ERC1: variants seen among roughly 807,000 people sequenced by gnomAD.
The protein encoded by ERC1 is RAB6 interacting protein 2.
Under a neutral mutation model 132.0 loss-of-function variants are expected in ERC1, and 56 were observed. The ratio of observed to expected loss-of-function variants is 0.42; its 90% CI spans 0.34 to 0.53. ERC1 has a LOEUF of 0.53. ERC1 is among the 20% of genes least tolerant of loss of function. The pLI is 0.03. For synonymous variants in ERC1, 478 were observed against 476.1 expected (o/e 1.00, Z -0.05); for missense variants, 1,202 against 1,349.9 (o/e 0.89, Z 1.72).
chr12:1,396,103 AG>A, intron 16 of ERC1, among the ~76,000 whole-genome samples: 1 of 152,362 alleles, frequency 6.6e-6, no homozygotes, highest in East Asian at 1.9e-4. Context: ...AACTAGTGTA[AG>A]GAACAGAAAT....
intron 16 of ERC1, among the ~76,000 whole-genome samples, chr12:1,393,799 G>A (rs1221210682): frequency 2.6e-5 from 4 of 151,460 alleles, no homozygotes; most frequent in East Asian, 1.9e-4. Flanking sequence ...AGGCCGGGGC[G>A]GGCAGATCAC....
chr12:996,017 A>G (rs1960768932), intron 1 of ERC1, among the ~76,000 whole-genome samples: 1 of 152,126 alleles, frequency 6.6e-6, no homozygotes, highest in Admixed American at 6.5e-5. Flanking sequence ...TAACAGGGAA[A>G]TGACTAAATA....
intron 12 of ERC1, among the ~76,000 whole-genome samples, chr12:1,219,674 T>TA (rs1958786022): frequency 6.7e-6 from 1 of 148,504 alleles, no homozygotes; most frequent in South Asian, 2.1e-4. Flanking sequence ...GTCTCACTGT[T>TA]ACCCGGGCTA....
chr12:1,148,910 C>T (rs1231172651), intron 8 of ERC1, among the ~76,000 whole-genome samples: 1 of 152,096 alleles, frequency 6.6e-6, no homozygotes, highest in African/African-American at 2.4e-5. Flanking sequence ...CCTAGTACTG[C>T]TTTGTAGACA....
chr12:1,031,648 C>G (rs1968069154), intron 2 of ERC1, among the ~76,000 whole-genome samples: 1 of 152,172 alleles, frequency 6.6e-6, no homozygotes, highest in African/African-American at 2.4e-5. Flanking sequence ...TAAGTTGTCA[C>G]TACTCAAAAT....
At chr12:1,458,486 A>G (rs2093584234) in intron 18 of ERC1, among the ~76,000 whole-genome samples, 1 of 151,440 alleles carries the variant, frequency 6.6e-6, no homozygotes, top group South Asian at 2.1e-4. Context: ...ATGTGTGTTT[A>G]TATATGTGTA....
chr12:1,414,274 A>G (rs759358752), intron 17 of ERC1, among the ~76,000 whole-genome samples: 18 of 152,216 alleles, frequency 1.2e-4, no homozygotes, highest in Non-Finnish European at 2.2e-4. Flanking sequence ...TCAGGATCCC[A>G]GCGTGGTCAG....
At chr12:1,342,759 T>G (rs2084045653) in intron 15 of ERC1, among the ~76,000 whole-genome samples, 1 of 152,036 alleles carries the variant, frequency 6.6e-6, no homozygotes, top group African/African-American at 2.4e-5. Context: ...TATAAGAAAT[T>G]TAGTATTGCT....
intron 3 of ERC1, among the ~76,000 whole-genome samples, chr12:1,091,149 AGAGTGCT>A (rs1216072845): frequency 6.6e-6 from 1 of 152,180 alleles, no homozygotes; most frequent in Non-Finnish European, 1.5e-5. Context: ...TCGGCCTCCC[AGAGTGCT>A]GGGATTACAG....
chr12:1,388,527 C>A (rs1308777851), intron 16 of ERC1, among the ~76,000 whole-genome samples: 2 of 152,058 alleles, frequency 1.3e-5, no homozygotes, highest in East Asian at 3.9e-4. Flanking sequence ...ACTCCAGAGC[C>A]AGGAGGAGAC....
At chr12:996,046 A>G (rs1039109325) in intron 1 of ERC1, among the ~76,000 whole-genome samples, 4 of 151,862 alleles carry the variant, frequency 2.6e-5, no homozygotes, top group African/African-American at 9.7e-5. Context: ...TGTGAGATAG[A>G]TGAGACAAAT....
At chr12:1,067,849 A>G (rs1939508063) in intron 2 of ERC1, among the ~76,000 whole-genome samples, 1 of 152,014 alleles carries the variant, frequency 6.6e-6, no homozygotes, top group Admixed American at 6.6e-5. Flanking sequence ...TTATATTGTA[A>G]AAAATATATT....
intron 15 of ERC1, among the ~76,000 whole-genome samples, chr12:1,340,940 T>C (rs2083777816): frequency 6.6e-6 from 1 of 152,078 alleles, no homozygotes; most frequent in South Asian, 2.1e-4. Context: ...GTTCTTGTTA[T>C]TTTCATTCTA....
chr12:1,191,841 T>C (rs1594102326), intron 12 of ERC1, among the ~76,000 whole-genome samples: 1 of 152,016 alleles, frequency 6.6e-6, no homozygotes, highest in Non-Finnish European at 1.5e-5. Flanking sequence ...GCACAGTTTC[T>C]TGGCTACTGG....
intron 16 of ERC1, chr12:1,391,036 A>G (rs576361644): frequency 1.3e-5 from 2 of 152,350 alleles, no homozygotes; most frequent in Admixed American, 6.5e-5. Flanking sequence ...TATTGGCAAG[A>G]TGAATGTTTC....
At chr12:1,135,077 C>A (rs1008246384) in intron 7 of ERC1, among the ~76,000 whole-genome samples, 1 of 152,104 alleles carries the variant, frequency 6.6e-6, no homozygotes, top group Non-Finnish European at 1.5e-5. Context: ...ACCAAAGGGT[C>A]TGAGAATGGT....
chr12:1,014,207 ACT>A (rs1057456671), intron 1 of ERC1, among the ~76,000 whole-genome samples: 4 of 151,826 alleles, frequency 2.6e-5, no homozygotes, highest in African/African-American at 7.2e-5. Flanking sequence ...ACAGGGTTTC[ACT>A]CTGTTTCCCA....
chr12:1,403,972 A>C (rs1211067443), intron 16 of ERC1, among the ~76,000 whole-genome samples: 1 of 152,082 alleles, frequency 6.6e-6, no homozygotes, highest in African/African-American at 2.4e-5. Flanking sequence ...CTTTTTTCTG[A>C]GAGCTGCTTT....
chr12:1,102,395 A>AGAGTTCACAGT (rs1944762679), intron 3 of ERC1, among the ~76,000 whole-genome samples: 1 of 152,224 alleles, frequency 6.6e-6, no homozygotes, highest in Admixed American at 6.5e-5. Context: ...AGTTTCTAAA[A>AGAGTTCACAGT]GAGTTCACAG....
Sources: gnomAD v4.1 joint callset for allele counts (sites outside exome capture counted in the v4.1 genomes callset) on GRCh38, gnomAD v4.1.1 for gene constraint, MANE v1.5 for transcripts, NCBI Gene and HGNC (gene_info 2026-07-23, HGNC 2026-07-21) for gene names.